TIAM1: variants seen among roughly 807,000 people sequenced by gnomAD.
TIAM1 encodes TIAM Rac1 associated GEF 1, also known as rho guanine nucleotide exchange factor TIAM1.
TIAM1 carries 65 observed loss-of-function variants against 163.5 expected under a neutral mutation model. The ratio of observed to expected loss-of-function variants is 0.40; its 90% confidence interval spans 0.33 to 0.49. The LOEUF (loss-of-function observed/expected upper bound fraction) is 0.49, where lower values mean the gene tolerates loss of function less well. Among genes scored for constraint, TIAM1 ranks in the 20% least tolerant of loss-of-function variants. The probability of loss-of-function intolerance (pLI) is 0.77; values close to 1 mark genes in which losing one functional copy is unlikely to be tolerated. For synonymous variants in TIAM1, 833 were observed against 810.1 expected (o/e 1.03, Z -0.48); for missense variants, 1,789 against 2,044.7 (o/e 0.87, Z 2.41).
intron 2 of TIAM1, among the ~76,000 whole-genome samples, chr21:31,337,500 T>TTTATTA (rs1223724769): frequency 8.0e-5 from 10 of 124,932 alleles, no homozygotes; most frequent in Admixed American, 6.8e-4. Context: ...AATTGTTGTT[T>TTTATTA]TTATTATTAT....
At chr21:31,391,539 C>T (rs1270536455) in intron 2 of TIAM1, among the ~76,000 whole-genome samples, 6 of 152,156 alleles carry the variant, frequency 3.9e-5, no homozygotes, top group African/African-American at 1.4e-4. Flanking sequence ...GCAGGAGAAT[C>T]GCTTGAACCC....
At chr21:31,548,482 T>A (rs73345664) in intron 1 of TIAM1, among the ~76,000 whole-genome samples, 2,281 of 150,058 alleles carry the variant, frequency 0.015, 51 homozygotes, top group African/African-American at 0.053. Flanking sequence ...CCTTAACCTT[T>A]TGTTGTTGTT....
At chr21:31,404,666 C>A (rs528567954) in intron 2 of TIAM1, among the ~76,000 whole-genome samples, 1 of 152,064 alleles carries the variant, frequency 6.6e-6, no homozygotes, top group South Asian at 2.1e-4. Flanking sequence ...CCACTTCCAC[C>A]TATTTATTGT....
intron 2 of TIAM1, among the ~76,000 whole-genome samples, chr21:31,350,795 G>C (rs1312947212): frequency 6.6e-6 from 1 of 152,192 alleles, no homozygotes; most frequent in African/African-American, 2.4e-5. Context: ...CCAGTGTCAG[G>C]TATTTCTTTA....
chr21:31,292,258 T>C (rs2074050765), intron 2 of TIAM1, among the ~76,000 whole-genome samples: 1 of 152,224 alleles, frequency 6.6e-6, no homozygotes, highest in African/African-American at 2.4e-5. Context: ...TTCTTTCCTC[T>C]TGTGTCCTTC....
At chr21:31,532,158 C>T (rs976594851) in intron 1 of TIAM1, among the ~76,000 whole-genome samples, 2 of 152,066 alleles carry the variant, frequency 1.3e-5, no homozygotes, top group Admixed American at 6.6e-5. Context: ...TGCAAACAGG[C>T]CTACAGTTCA....
At chr21:31,470,941 G>A (rs539407692) in intron 1 of TIAM1, among the ~76,000 whole-genome samples, 9 of 152,266 alleles carry the variant, frequency 5.9e-5, no homozygotes, top group African/African-American at 2.2e-4. Flanking sequence ...CCCCCGAGGG[G>A]GCAGCTGGGA....
chr21:31,210,631 A>AAGAG, intron 10 of TIAM1, among the ~76,000 whole-genome samples: 1 of 23,510 alleles, frequency 4.3e-5, no homozygotes. Context: ...GAAAGAAAGA[A>AAGAG]AGAAAGAAAG....
intron 2 of TIAM1, among the ~76,000 whole-genome samples, chr21:31,317,114 GCT>G (rs2075150065): frequency 6.6e-6 from 1 of 152,194 alleles, no homozygotes; most frequent in South Asian, 2.1e-4. Context: ...ATCCCCGTAA[GCT>G]CTGTCCTCTC....
chr21:31,275,012 C>T (rs1408918707), intron 3 of TIAM1, among the ~76,000 whole-genome samples: 2 of 151,618 alleles, frequency 1.3e-5, no homozygotes, highest in African/African-American at 2.4e-5. Context: ...ATCCCAGCTA[C>T]TCGGGAGGCT....
intron 13 of TIAM1, among the ~76,000 whole-genome samples, chr21:31,194,907 CAAAT>C (rs969928518): frequency 2.6e-5 from 4 of 152,164 alleles, no homozygotes; most frequent in African/African-American, 9.7e-5. Flanking sequence ...GCATGAATCA[CAAAT>C]AAAAGCCAGT....
chr21:31,265,399 T>C (rs940232634), intron 4 of TIAM1, among the ~76,000 whole-genome samples: 2 of 151,336 alleles, frequency 1.3e-5, no homozygotes, highest in African/African-American at 4.9e-5. Flanking sequence ...GGTTGCAAAG[T>C]AAGAATTGGA....
intron 9 of TIAM1, 47 bp downstream of exon 9, chr21:31,217,506 C>A: frequency 6.3e-7 from 1 of 1,590,190 alleles, no homozygotes; most frequent in Non-Finnish European, 8.6e-7. Flanking sequence ...GAGGTGGCCA[C>A]AGAAGTGATT....
chr21:31,266,101 C>T lies in TIAM1; in HGVS notation c.872G>A (p.Cys291Tyr), dbSNP rs2072744954. Residue 291 changes from cysteine (C) to tyrosine (Y), a missense_variant, in exon 4 of 28, where the codon TGT becomes TAT. By Grantham distance (194) the Cys-to-Tyr change is radical (BLOSUM62 -2). This residue lies in a region of TIAM1 where 555 missense variants were observed against 564.9 expected (regional missense o/e 0.98). Transcript: ENST00000541036. The part of the protein sequence containing the change: ...PPYSNYNTLP[C>Y]RKSHCLSEGA... The stretch of plus-strand genomic sequence containing the variant: ...TTCAGAGAGACAGTGAGATTTCCTA[C>T]AGGGAAGTGTGTTATAATTACTGTA... 6.2e-7 allele frequency: 1 copy of T among 1,614,186 alleles called. No individual in the cohort carries two copies.
At chr21:31,256,459 C>T (rs1009835999) in intron 4 of TIAM1, among the ~76,000 whole-genome samples, 2 of 152,018 alleles carry the variant, frequency 1.3e-5, no homozygotes, top group Non-Finnish European at 2.9e-5. Context: ...CACTGAATTC[C>T]AGGGGGTAAA....
chr21:31,340,557 G>T (rs77702389), intron 1 of TIAM1, among the ~76,000 whole-genome samples: 6,410 of 152,148 alleles, frequency 0.042, 197 homozygotes, highest in Non-Finnish European at 0.062. Flanking sequence ...TAGAGAGGGG[G>T]TCTCACTATG....
At chr21:31,215,657 T>C (rs2087158088) in intron 9 of TIAM1, among the ~76,000 whole-genome samples, 1 of 152,220 alleles carries the variant, frequency 6.6e-6, no homozygotes, top group South Asian at 2.1e-4. Flanking sequence ...CAAGTCTCTT[T>C]TGTTATTTTT....
chr21:31,515,375 C>G (rs2047348771), intron 1 of TIAM1, among the ~76,000 whole-genome samples: 1 of 152,184 alleles, frequency 6.6e-6, no homozygotes, highest in South Asian at 2.1e-4. Context: ...TGCCCCAGAT[C>G]TACTGAAACA....
At chr21:31,442,064 T>TAAAAAAAAAAAAAAAAAAAAA (rs1250832519) in intron 2 of TIAM1, among the ~76,000 whole-genome samples, 1 of 84,710 alleles carries the variant, frequency 1.2e-5, no homozygotes, top group African/African-American at 5.1e-5. Context: ...TCAGAACAAA[T>TAAAAAAAAAAAAAAAAAAAAA]AAATAAATAT....
Sources: allele counts gnomAD v4.1 joint callset (sites outside exome capture counted in the v4.1 genomes callset), GRCh38; gene constraint gnomAD v4.1.1; regional missense constraint gnomAD v4.1.1; transcripts MANE v1.5; gene names NCBI Gene and HGNC (gene_info 2026-07-23, HGNC 2026-07-21).